The following CEP63 variants were observed in gnomAD, a reference collection of about 807,000 sequenced individuals.
CEP63 encodes the protein centrosomal protein 63.
In CEP63, 84 loss-of-function variants were observed where a neutral mutation model predicts 89.1. The ratio of observed to expected loss-of-function variants is 0.94; its 90% CI spans 0.79 to 1.13. The LOEUF (loss-of-function observed/expected upper bound fraction) is 1.13, where lower values mean the gene tolerates loss of function less well. CEP63 is among the 50% of genes most tolerant of loss of function. The pLI is 0.00. For missense variants in CEP63, 838 were observed against 813.3 expected (o/e 1.03, Z -0.37); for synonymous variants, 267 against 272.5 (o/e 0.98, Z 0.20).
chr3:134,634,260 A>G, the CEP63 span, among the ~76,000 whole-genome samples: 1 of 152,200 alleles, frequency 6.6e-6, no homozygotes, highest in African/African-American at 2.4e-5. Context: ...TAATTATAAA[A>G]TATAGACATC....
chr3:134,687,892 A>G, the CEP63 span, among the ~76,000 whole-genome samples: 4 of 152,220 alleles, frequency 2.6e-5, no homozygotes, highest in Non-Finnish European at 5.9e-5. Context: ...CAAATAGCTC[A>G]AATGAAACAG....
the CEP63 span, among the ~76,000 whole-genome samples, chr3:134,762,340 C>T: frequency 1.3e-4 from 19 of 151,972 alleles, no homozygotes; most frequent in Admixed American, 9.2e-4. Flanking sequence ...CTTTCTGGGG[C>T]GGTGTATCAG....
the CEP63 span, among the ~76,000 whole-genome samples, chr3:134,678,580 G>C: frequency 6.6e-6 from 1 of 152,162 alleles, no homozygotes; most frequent in Non-Finnish European, 1.5e-5. Context: ...TGTGTTTCAG[G>C]TACTGCTCCA....
intron 3 of CEP63, among the ~76,000 whole-genome samples, chr3:134,522,126 T>G (rs1161764943): frequency 6.6e-6 from 1 of 152,226 alleles, no homozygotes; most frequent in Non-Finnish European, 1.5e-5. Context: ...GAGATAATTT[T>G]TACTGCTCCT....
the CEP63 span, among the ~76,000 whole-genome samples, chr3:134,767,102 T>C: frequency 3.9e-5 from 6 of 152,186 alleles, no homozygotes; most frequent in African/African-American, 7.2e-5. Flanking sequence ...TGGCTTCATC[T>C]TGCTACCTGG....
chr3:134,522,442 A>G (rs1366006406), intron 3 of CEP63, among the ~76,000 whole-genome samples: 1 of 152,222 alleles, frequency 6.6e-6, no homozygotes, highest in Non-Finnish European at 1.5e-5. Flanking sequence ...CGTTGTAGTC[A>G]GAAATGTGAT....
At chr3:134,600,385 C>G in the CEP63 span, among the ~76,000 whole-genome samples, 1 of 152,170 alleles carries the variant, frequency 6.6e-6, no homozygotes, top group Non-Finnish European at 1.5e-5. Flanking sequence ...TATGTCTAGC[C>G]GAAATCCTTC....
At chr3:134,671,782 A>G in the CEP63 span, among the ~76,000 whole-genome samples, 5 of 152,160 alleles carry the variant, frequency 3.3e-5, no homozygotes, top group Non-Finnish European at 7.4e-5. Context: ...TGAATGAAAA[A>G]TCAGAAAAAG....
chr3:134,759,694 A>G, the CEP63 span, among the ~76,000 whole-genome samples: 3 of 152,234 alleles, frequency 2.0e-5, no homozygotes, highest in African/African-American at 7.2e-5. Context: ...TTCTGGGACT[A>G]GCAACCCTTA....
chr3:134,645,124 G>T, the CEP63 span, among the ~76,000 whole-genome samples: 1 of 152,230 alleles, frequency 6.6e-6, no homozygotes, highest in East Asian at 1.9e-4. Flanking sequence ...TAGCTGTGGG[G>T]CGTCTGTCCC....
rs762988474 is a variant in CEP63, at chr3:134,563,386, G to A, written c.*1851G>A. ...ATCCTTTAGAAATGTAAATGAAACA[G>A]TGTCACCACTGCTTCCCTTCAGACT... is the stretch of plus-strand genomic sequence containing the variant. On this transcript the variant is annotated 3_prime_UTR_variant, in exon 15 of 15. Coordinates refer to ENST00000675561, the MANE Select transcript of CEP63 (RefSeq NM_001353108.3). 2.0e-5 allele frequency: 3 copies of A among 152,108 alleles called. No individual in the cohort carries two copies. The highest frequency in any genetic ancestry group is 4.4e-5 in the Non-Finnish European group (3 of 68,040). 9.4% of individuals were successfully genotyped at this position (152,108 alleles called of 1,614,324 possible). A position where few individuals can be genotyped will look rare whatever the true frequency, so the allele number is the denominator to read the frequency against.
chr3:134,627,720 C>T, the CEP63 span: 2 of 1,593,572 alleles, frequency 1.3e-6, no homozygotes, highest in Non-Finnish European at 1.7e-6. Flanking sequence ...CCCATGTGCT[C>T]TCTTGAGAAT....
In CEP63 at chr3:134,564,077, A is replaced by G. The variant is rs1957578190; in HGVS notation, c.*2542A>G. 1 of 164,708 alleles carries G rather than the reference A, an allele frequency of 6.1e-6. No homozygotes were observed. Among genetic ancestry groups the G allele is most frequent in the Admixed American group, 6.5e-5 (1 of 15,290 alleles). 10.2% of individuals were successfully genotyped at this position (164,708 alleles called of 1,614,324 possible). A position where few individuals can be genotyped will look rare whatever the true frequency, so the allele number is the denominator to read the frequency against. On this transcript the variant is annotated 3_prime_UTR_variant, in exon 15 of 15. Transcript: ENST00000675561. Reference sequence around the variant, plus strand: ...TGTTACTTGCTTCATAGTGCTCACTACTATCTGAAATCATTTCATTACTTG... The same window carrying G: ...TGTTACTTGCTTCATAGTGCTCACTGCTATCTGAAATCATTTCATTACTTG...
chr3:134,492,198 C>T (rs950394523), intron 1 of CEP63, among the ~76,000 whole-genome samples: 3 of 151,670 alleles, frequency 2.0e-5, no homozygotes, highest in Non-Finnish European at 4.4e-5. Flanking sequence ...CTCAGCCTCC[C>T]GTGTAGCTGG....
At chr3:134,503,720 A>G (rs1274197432) in intron 2 of CEP63, among the ~76,000 whole-genome samples, 2 of 152,040 alleles carry the variant, frequency 1.3e-5, no homozygotes, top group East Asian at 3.9e-4. Context: ...CAGCTGTAAT[A>G]TCTTGTTGCT....
At chr3:134,573,895 G>T (rs1277821005) in intron 11 of CEP63, among the ~76,000 whole-genome samples, 1 of 152,078 alleles carries the variant, frequency 6.6e-6, no homozygotes, top group Admixed American at 6.5e-5. Context: ...TTAGAGTTAG[G>T]CCCTGAGGTT....
In CEP63 at chr3:134,564,196, C is replaced by G. The variant is rs1421872156; in HGVS notation, c.*2661C>G. 1.0e-6 allele frequency: 1 copy of G among 955,962 alleles called. No individual in the cohort carries two copies. The highest frequency in any genetic ancestry group is 1.2e-4 in the East Asian group (1 of 8,642). The allele number at this position is 955,962 out of a possible 1,614,324, so 59.2% of individuals were successfully genotyped here. A position where few individuals can be genotyped will look rare whatever the true frequency, so the allele number is the denominator to read the frequency against. On this transcript the variant is annotated 3_prime_UTR_variant, in exon 15 of 15. Transcript: ENST00000675561. Reference sequence around the variant, plus strand: ...CTGGTTCATGGTGGGATCCTCATCACCCAGCACAAGCCCAACACTTAGGAG... The same window carrying G: ...CTGGTTCATGGTGGGATCCTCATCAGCCAGCACAAGCCCAACACTTAGGAG...
chr3:134,485,995 C>A, upstream of CEP63: 1 of 839,116 alleles, frequency 1.2e-6, no homozygotes, highest in Non-Finnish European at 1.3e-6. Flanking sequence ...TGCCACGCCC[C>A]CCCCCCCTCC....
chr3:134,627,619 C>CT, the CEP63 span: 1 of 708,726 alleles, frequency 1.4e-6, no homozygotes, highest in Non-Finnish European at 2.5e-6. Context: ...TCATGACACT[C>CT]TTCCCCTCCT....
Sources: gnomAD v4.1 joint callset for allele counts (sites outside exome capture counted in the v4.1 genomes callset) on GRCh38, gnomAD v4.1.1 for gene constraint, MANE v1.5 for transcripts, NCBI Gene and HGNC (gene_info 2026-07-23, HGNC 2026-07-21) for gene names.